The following BRSK2 variants were observed in gnomAD, a reference collection of about 807,000 sequenced individuals.
BRSK2 encodes BR serine/threonine kinase 2.
In BRSK2, 19 loss-of-function variants were observed where a neutral mutation model predicts 83.3. The observed-to-expected ratio is 0.23, with a 90% CI of 0.16 to 0.33. BRSK2 has a LOEUF of 0.33. Among genes scored for constraint, BRSK2 ranks in the 10% least tolerant of loss-of-function variants. The probability of loss-of-function intolerance (pLI) is 1.00; values close to 1 mark genes in which losing one functional copy is unlikely to be tolerated. For missense variants in BRSK2, 798 were observed against 1,042.3 expected (o/e 0.77, Z 3.23); for synonymous variants, 519 against 435.4 (o/e 1.19, Z -2.39).
In BRSK2 at chr11:1,438,225, T is replaced by G. The variant is rs2133036865; in HGVS notation, c.187-81T>G. ...CAAAGGCCCCTGCGACCCCCACAGC[T>G]GGCACCAAAGGCAGTGTCTGTGGGG... On this transcript the variant is annotated intron_variant, in intron 2 of 19. Coordinates refer to ENST00000528841, the MANE Select transcript of BRSK2 (RefSeq NM_001256627.2). This position sits in a 1 kb window ranked among gnomAD's most constrained non-coding sequence, Gnocchi z 6.4. 3.6e-6 allele frequency: 5 copies of G among 1,376,404 alleles called. No individual in the cohort carries two copies. Among genetic ancestry groups the G allele is most frequent in the Non-Finnish European group, 5.1e-6 (5 of 976,450 alleles). The allele number at this position is 1,376,404 out of a possible 1,614,324, so 85.3% of individuals were successfully genotyped here.
At chr11:1,455,473 T>C (rs1846394360) in intron 16 of BRSK2, among the ~76,000 whole-genome samples, 1 of 151,944 alleles carries the variant, frequency 6.6e-6, no homozygotes, top group African/African-American at 2.4e-5. Flanking sequence ...CACCCCACCA[T>C]ATGCTCTGCC....
At chr11:1,412,840 C>T (rs1158067609) in intron 1 of BRSK2, among the ~76,000 whole-genome samples, 1 of 152,168 alleles carries the variant, frequency 6.6e-6, no homozygotes, top group African/African-American at 2.4e-5. Flanking sequence ...AACCCCGCGT[C>T]CCAGGCAACC....
intron 5 of BRSK2, 47 bp downstream of exon 5, chr11:1,442,653 T>G (rs993096693): frequency 1.3e-6 from 2 of 1,503,666 alleles, no homozygotes; most frequent in African/African-American, 2.8e-5. Flanking sequence ...CAGGCTGGGC[T>G]GGGGGAAGAG....
rs1399048820 is a variant in BRSK2 at position 1,454,713 on chromosome 11, C to T, written c.1668+105C>T. On this transcript the variant is annotated intron_variant, in intron 16 of 19. Transcript: ENST00000528841. This position sits in a 1 kb window ranked among gnomAD's most constrained non-coding sequence, Gnocchi z 5.2. ...CGTAGACAGGACATGTCCACGCGCA[C>T]AGCACGGACGTCCGCTCACCCGTGG... is the stretch of plus-strand genomic sequence containing the variant. The T allele has an allele frequency of 8.5e-6, 12 of 1,415,308 alleles. No individual in the cohort carries two copies. The East Asian group carries it at 2.1e-4, about 25-fold the overall frequency. 87.7% of individuals were successfully genotyped at this position (1,415,308 alleles called of 1,614,324 possible).
chr11:1,436,879 G>A (rs921566104), intron 2 of BRSK2, among the ~76,000 whole-genome samples: 1 of 152,150 alleles, frequency 6.6e-6, no homozygotes, highest in Non-Finnish European at 1.5e-5. Context: ...GGCCAAGAGA[G>A]GGGAGGCTTG....
chr11:1,447,715 C>G, intron 12 of BRSK2: 2 of 1,317,446 alleles, frequency 1.5e-6, no homozygotes, highest in Non-Finnish European at 1.1e-6. Flanking sequence ...AGTTCTTACC[C>G]GGTGTGGCCC....
chr11:1,392,694 C>CG (rs35195980), intron 1 of BRSK2, among the ~76,000 whole-genome samples: 1 of 152,200 alleles, frequency 6.6e-6, no homozygotes, highest in African/African-American at 2.4e-5. Flanking sequence ...GCACCCCCAC[C>CG]GGGGCCTGGA....
intron 1 of BRSK2, chr11:1,411,663 G>A (rs749193817): frequency 6.1e-5 from 93 of 1,533,240 alleles, no homozygotes; most frequent in Non-Finnish European, 7.9e-5. Flanking sequence ...GCTGGCCAGG[G>A]CCCCTCGAGG....
At chr11:1,447,638 C>A (rs998640472) in intron 12 of BRSK2, among the ~76,000 whole-genome samples, 1 of 152,134 alleles carries the variant, frequency 6.6e-6, no homozygotes, top group South Asian at 2.1e-4. Context: ...TCACACGGTG[C>A]GGGGTGTGCT....
chr11:1,392,590 G>A (rs1011513532), intron 1 of BRSK2, among the ~76,000 whole-genome samples: 2 of 152,208 alleles, frequency 1.3e-5, no homozygotes, highest in African/African-American at 4.8e-5. Flanking sequence ...CCACCCGGCT[G>A]ACCCAAGCTG....
intron 12 of BRSK2, among the ~76,000 whole-genome samples, chr11:1,449,003 C>G (rs1051968735): frequency 6.6e-6 from 1 of 152,236 alleles, no homozygotes; most frequent in African/African-American, 2.4e-5. Context: ...CTGCCTCGGC[C>G]CCTCCCTGCA....
In BRSK2 at chr11:1,452,167, CTGAG is replaced by C. The variant is rs372324755; in HGVS notation, c.1544+750_1544+753del. ...AAATGAAGATGTGGCCAGCTGTGGA[CTGAG>C]TAAGACGAGAACCTTCGTCCTGCTG... On this transcript the variant is annotated intron_variant, in intron 15 of 19. Transcript: ENST00000528841. Among the ~76,000 whole-genome samples, 36 of 152,318 alleles carry C rather than the reference CTGAG, an allele frequency of 2.4e-4. No homozygotes were observed. The South Asian group carries it at 6.6e-3, about 28-fold the overall frequency.
At chr11:1,407,639 C>T (rs1423863494) in intron 1 of BRSK2, among the ~76,000 whole-genome samples, 2 of 152,242 alleles carry the variant, frequency 1.3e-5, no homozygotes, top group African/African-American at 4.8e-5. Flanking sequence ...AGCCCCTAAA[C>T]TAGGACACTA....
Position 1,461,277 on chromosome 11 carries a change from AG to A in BRSK2, c.*556del, listed in dbSNP as rs1847470118. Reference sequence around the variant, plus strand: ...GACCCCTGGTGGGCAACGTAGCCACAGGAACAGGCCCCGTCCACCGCCTCCA... The same window carrying A: ...GACCCCTGGTGGGCAACGTAGCCACAGAACAGGCCCCGTCCACCGCCTCCA... On this transcript the variant is annotated 3_prime_UTR_variant, in exon 20 of 20. Transcript: ENST00000528841. 3.9e-6 allele frequency: 2 copies of A among 511,302 alleles called. No homozygotes were observed. The highest frequency in any genetic ancestry group is 3.6e-5 in the Admixed American group (1 of 27,522). 31.7% of individuals were successfully genotyped at this position (511,302 alleles called of 1,614,324 possible). A position where few individuals can be genotyped will look rare whatever the true frequency, so the allele number is the denominator to read the frequency against.
intron 1 of BRSK2, among the ~76,000 whole-genome samples, chr11:1,434,039 C>T (rs1027000577): frequency 3.9e-5 from 6 of 152,344 alleles, no homozygotes; most frequent in East Asian, 1.9e-4. Context: ...GGAGGTTTGA[C>T]GCGTGAGACA....
chr11:1,447,449 G>A (rs1024061637), intron 12 of BRSK2, among the ~76,000 whole-genome samples: 14 of 152,338 alleles, frequency 9.2e-5, no homozygotes, highest in Non-Finnish European at 8.8e-5. Context: ...GGACCATTCC[G>A]GGGCCTCTGG....
In BRSK2 at chr11:1,443,437, C is replaced by T. The variant is rs766254448; in HGVS notation, c.633+34C>T. ...CTGGCCCCCTCAACCCTGCCCTGGC[C>T]TCTCCCCAAACCTGCCCCCCCACGC... On this transcript the variant is annotated intron_variant, in intron 7 of 19. Transcript: ENST00000528841. The T allele has an allele frequency of 3.8e-6, 6 of 1,583,026 alleles. No homozygotes were observed. The South Asian group carries it at 5.7e-5, about 15-fold the overall frequency.
chr11:1,445,188 G>A (rs1400455484), intron 9 of BRSK2, 106 bp from the exon 10 acceptor site: 1 of 1,497,848 alleles, frequency 6.7e-7, no homozygotes, highest in Non-Finnish European at 9.1e-7. Flanking sequence ...TGGGCACAGG[G>A]AGAGTGGCAG....
intron 1 of BRSK2, among the ~76,000 whole-genome samples, chr11:1,420,067 A>C (rs1046367384): frequency 6.6e-6 from 1 of 152,200 alleles, no homozygotes; most frequent in Non-Finnish European, 1.5e-5. Context: ...TCTTTCTTGG[A>C]TAAGAGGGAA....
Sources: allele counts gnomAD v4.1 joint callset (sites outside exome capture counted in the v4.1 genomes callset), GRCh38; gene constraint gnomAD v4.1.1; non-coding constraint Gnocchi (gnomAD v3.1); transcripts MANE v1.5; gene names NCBI Gene and HGNC (gene_info 2026-07-23, HGNC 2026-07-21).